The following PKNOX2 variants were observed in gnomAD, a reference collection of about 807,000 sequenced individuals.
PKNOX2 encodes the protein PBX/knotted 1 homeobox 2.
In PKNOX2, 14 loss-of-function variants were observed where a neutral mutation model predicts 53.1. The observed-to-expected ratio is 0.26, with a 90% CI of 0.17 to 0.41. The LOEUF (loss-of-function observed/expected upper bound fraction) is 0.41, where lower values mean the gene tolerates loss of function less well. PKNOX2 is among the 10% of genes least tolerant of loss of function. The probability of loss-of-function intolerance (pLI) is 1.00; values close to 1 mark genes in which losing one functional copy is unlikely to be tolerated. For synonymous variants in PKNOX2, 257 were observed against 242.8 expected (o/e 1.06, Z -0.54); for missense variants, 496 against 602.8 (o/e 0.82, Z 1.85).
At chr11:125,238,337 C>T (rs1339430652) in intron 2 of PKNOX2, among the ~76,000 whole-genome samples, 1 of 152,168 alleles carries the variant, frequency 6.6e-6, no homozygotes, top group East Asian at 1.9e-4. Context: ...TTGGATTCTT[C>T]CACTTATTGG....
chr11:125,220,540 C>T (rs1014999772), intron 1 of PKNOX2, among the ~76,000 whole-genome samples: 4 of 152,136 alleles, frequency 2.6e-5, no homozygotes, highest in African/African-American at 9.6e-5. Flanking sequence ...TGGAAGATGC[C>T]ACCATTGTGA....
chr11:125,429,863 C>T (rs1280380376), intron 11 of PKNOX2, 100 bp from the exon 12 acceptor site: 2 of 1,353,210 alleles, frequency 1.5e-6, no homozygotes, highest in African/African-American at 1.5e-5. Context: ...CCCCGGTCTG[C>T]TCTGTGAAAT....
chr11:125,196,125 T>G (rs1170495332), intron 1 of PKNOX2, among the ~76,000 whole-genome samples: 4 of 152,156 alleles, frequency 2.6e-5, no homozygotes, highest in Admixed American at 2.0e-4. Context: ...GGGCGACTTT[T>G]GCACACAAAG....
At position 125,178,630 on chromosome 11, in the gene PKNOX2, GA is replaced by G. The variant is rs1389201356; in HGVS notation, c.-201+13857del. On this transcript the variant is annotated intron_variant, in intron 1 of 12. Coordinates refer to ENST00000298282, the MANE Select transcript of PKNOX2 (RefSeq NM_001382323.2). The stretch of plus-strand genomic sequence containing the variant: ...GGAAGGAAAGAAAGAAAGAAAGAAA[GA>G]AAGAAAGAAAGAAAGAAGGAAGGAA... 2.5e-3 allele frequency among the ~76,000 whole-genome samples: 220 copies of G among 88,150 alleles called. 2 individuals are homozygous for G. The highest frequency in any genetic ancestry group is 7.7e-3 in the African/African-American group (107 of 13,914). The allele number at this position is 88,150 out of a possible 152,430, so 57.8% of individuals were successfully genotyped here.
chr11:125,290,520 G>A (rs1328405061), intron 2 of PKNOX2, among the ~76,000 whole-genome samples: 3 of 152,182 alleles, frequency 2.0e-5, no homozygotes, highest in Admixed American at 6.5e-5. Flanking sequence ...GGGCTTGACC[G>A]TGATCCAAGA....
chr11:125,250,340 A>G (rs1943903585), intron 2 of PKNOX2, among the ~76,000 whole-genome samples: 1 of 152,172 alleles, frequency 6.6e-6, no homozygotes, highest in Non-Finnish European at 1.5e-5. Flanking sequence ...CAAGAAAGAG[A>G]ACAAGCAGTA....
At chr11:125,393,937 G>A (rs1209836537) in intron 6 of PKNOX2, among the ~76,000 whole-genome samples, 2 of 118,616 alleles carry the variant, frequency 1.7e-5, no homozygotes, top group Non-Finnish European at 3.4e-5. Context: ...GGGGGGTGGG[G>A]CAACCTGGCT....
rs576139009 is a variant in PKNOX2 at position 125,295,698 on chromosome 11, A to G, written c.-129-36121A>G. Among the ~76,000 whole-genome samples, 16 of 152,234 alleles carry G rather than the reference A, an allele frequency of 1.1e-4. No individual in the cohort carries two copies. In the East Asian group the frequency reaches 2.9e-3, roughly 28 times the overall value. ...AGGAGGCCTGAGACAGGGTCACTGG[A>G]TTTGGCAAGGAGGTGGCCTTCGAAG... On this transcript the variant is annotated intron_variant, in intron 2 of 12. Coordinates refer to ENST00000298282, the MANE Select transcript of PKNOX2 (RefSeq NM_001382323.2).
At chr11:125,346,091 T>C (rs1413769864) in intron 3 of PKNOX2, among the ~76,000 whole-genome samples, 3 of 150,540 alleles carry the variant, frequency 2.0e-5, no homozygotes, top group Admixed American at 6.7e-5. Flanking sequence ...TTTCGGTCCC[T>C]CCTGCTGAGT....
At chr11:125,177,656 G>A (rs561841363) in intron 1 of PKNOX2, among the ~76,000 whole-genome samples, 6 of 152,236 alleles carry the variant, frequency 3.9e-5, no homozygotes, top group South Asian at 2.1e-4. Context: ...TTCCTTTCCC[G>A]TCACTTCCGT....
At chr11:125,279,234 T>G (rs768238611) in intron 2 of PKNOX2, among the ~76,000 whole-genome samples, 38 of 152,176 alleles carry the variant, frequency 2.5e-4, no homozygotes, top group Non-Finnish European at 7.3e-5. Context: ...TGAGCAAGGT[T>G]GTGCCTGGAC....
intron 9 of PKNOX2, chr11:125,411,462 TTCTCTCTCTCTCTCTCTCTCTCTCTC>T (rs3028442): frequency 8.5e-6 from 2 of 236,566 alleles, no homozygotes; most frequent in East Asian, 1.0e-4. Context: ...TCCTCTGTCT[TTCTCTCTCTCTCTCTCTCTCTCTCTC>T]TCTCTCTCTC....
intron 1 of PKNOX2, among the ~76,000 whole-genome samples, chr11:125,221,072 T>C (rs1349713734): frequency 6.6e-6 from 1 of 152,100 alleles, no homozygotes. Flanking sequence ...GGAGAATTGC[T>C]TGAACCTGGG....
At chr11:125,355,973 A>G (rs907441592) in intron 4 of PKNOX2, among the ~76,000 whole-genome samples, 7 of 151,752 alleles carry the variant, frequency 4.6e-5, no homozygotes, top group Non-Finnish European at 1.0e-4. Flanking sequence ...TCACTAGCAA[A>G]GGCAACCACT....
chr11:125,248,387 C>A (rs1943719755), intron 2 of PKNOX2, among the ~76,000 whole-genome samples: 1 of 152,128 alleles, frequency 6.6e-6, no homozygotes, highest in Non-Finnish European at 1.5e-5. Flanking sequence ...TCCCAGGACA[C>A]TGATACTCTA....
chr11:125,249,515 A>G (rs1943838715), intron 2 of PKNOX2, among the ~76,000 whole-genome samples: 1 of 152,218 alleles, frequency 6.6e-6, no homozygotes, highest in South Asian at 2.1e-4. Flanking sequence ...TTCCTAAACA[A>G]TATAGTATTA....
intron 1 of PKNOX2, among the ~76,000 whole-genome samples, chr11:125,209,778 A>C (rs1256401367): frequency 6.6e-6 from 1 of 151,954 alleles, no homozygotes; most frequent in Non-Finnish European, 1.5e-5. Context: ...CGCCTCTCCC[A>C]AGGCCCTGAA....
intron 1 of PKNOX2, among the ~76,000 whole-genome samples, chr11:125,178,573 G>GGAAC (rs1252779651): frequency 2.9e-5 from 1 of 34,166 alleles, no homozygotes; most frequent in East Asian, 7.8e-4. Context: ...AACGAAGGAA[G>GGAAC]GAAGGAAGGA....
intron 1 of PKNOX2, chr11:125,184,156 C>T (rs1321260642): frequency 1.3e-5 from 2 of 152,210 alleles, no homozygotes; most frequent in Non-Finnish European, 2.9e-5. Context: ...GGCGGGTCAT[C>T]ACAAGAGATG....
Sources: gnomAD v4.1 joint callset for allele counts (sites outside exome capture counted in the v4.1 genomes callset) on GRCh38, gnomAD v4.1.1 for gene constraint, MANE v1.5 for transcripts, NCBI Gene and HGNC (gene_info 2026-07-23, HGNC 2026-07-21) for gene names.